NAV2: variants seen among roughly 807,000 people sequenced by gnomAD.
NAV2 encodes helicase, APC down-regulated 1.
NAV2 carries 54 observed loss-of-function variants against 223.2 expected under a neutral mutation model. That is an observed-to-expected ratio of 0.24 (90% CI 0.19 to 0.30). The LOEUF is 0.30. NAV2 is among the 10% of genes least tolerant of loss of function. NAV2 has a pLI of 1.00. For missense variants in NAV2, 2,806 were observed against 3,147.5 expected (o/e 0.89, Z 2.60); for synonymous variants, 1,279 against 1,239.3 (o/e 1.03, Z -0.67).
intron 1 of NAV2, among the ~76,000 whole-genome samples, chr11:19,554,032 A>T (rs985334531): frequency 6.6e-6 from 1 of 152,196 alleles, no homozygotes; most frequent in African/African-American, 2.4e-5. Flanking sequence ...AGCATTTCAT[A>T]CTGAAAAGTT....
At chr11:20,072,591 T>C (rs1227699717) in intron 22 of NAV2, among the ~76,000 whole-genome samples, 2 of 152,244 alleles carry the variant, frequency 1.3e-5, no homozygotes, top group East Asian at 3.8e-4. Context: ...TGCATTTGTT[T>C]ATGTCCTCTC....
At chr11:19,565,455 T>C (rs929606142) in intron 1 of NAV2, among the ~76,000 whole-genome samples, 2 of 152,170 alleles carry the variant, frequency 1.3e-5, no homozygotes, top group Non-Finnish European at 2.9e-5. Flanking sequence ...CATTCTGAAT[T>C]TGAGATTTGC....
intron 1 of NAV2, among the ~76,000 whole-genome samples, chr11:19,774,804 G>A (rs2056017153): frequency 6.6e-6 from 1 of 152,090 alleles, no homozygotes; most frequent in Admixed American, 6.6e-5. Context: ...TTAAAGCTGA[G>A]GCAGGTACCT....
At chr11:19,490,013 A>G (rs1322473559) in intron 1 of NAV2, among the ~76,000 whole-genome samples, 1 of 152,246 alleles carries the variant, frequency 6.6e-6, no homozygotes, top group African/African-American at 2.4e-5. Context: ...TTATTTTTCC[A>G]GTACATATAG....
chr11:19,961,005 C>T (rs568276566), intron 10 of NAV2, among the ~76,000 whole-genome samples: 39 of 152,264 alleles, frequency 2.6e-4, no homozygotes, highest in African/African-American at 9.1e-4. Flanking sequence ...GACAGAGACC[C>T]GAGGGCTCAC....
chr11:19,373,290 T>A (rs140792948), intron 1 of NAV2, among the ~76,000 whole-genome samples: 2,337 of 152,284 alleles, frequency 0.015, 60 homozygotes, highest in African/African-American at 0.053. Context: ...GATCCAGCTA[T>A]TCACCTGTGC....
At chr11:19,405,499 A>G (rs1849858374) in intron 1 of NAV2, among the ~76,000 whole-genome samples, 1 of 152,200 alleles carries the variant, frequency 6.6e-6, no homozygotes, top group South Asian at 2.1e-4. Flanking sequence ...CGAAGGAGTA[A>G]CATGAGGCTG....
chr11:19,486,547 G>C (rs1030761915), intron 1 of NAV2, among the ~76,000 whole-genome samples: 4 of 152,092 alleles, frequency 2.6e-5, no homozygotes, highest in African/African-American at 9.7e-5. Flanking sequence ...GTTTTATAAG[G>C]GGCTTTTATC....
At chr11:19,714,105 T>C in intron 1 of NAV2, 143 bp downstream of exon 1, 1 of 1,264,896 alleles carries the variant, frequency 7.9e-7, no homozygotes, top group Non-Finnish European at 1.1e-6. Context: ...GCCGGCAGGT[T>C]GGGGGATGCG....
At chr11:20,064,231 C>T (rs2058892759) in intron 20 of NAV2, among the ~76,000 whole-genome samples, 1 of 152,194 alleles carries the variant, frequency 6.6e-6, no homozygotes, top group Admixed American at 6.5e-5. Context: ...AAGGCTGGTA[C>T]TTTCAAACCT....
At chr11:19,672,995 C>T (rs2048612532) in intron 1 of NAV2, among the ~76,000 whole-genome samples, 1 of 152,120 alleles carries the variant, frequency 6.6e-6, no homozygotes, top group Non-Finnish European at 1.5e-5. Context: ...TAACAAGTTA[C>T]ATGGATACAA....
chr11:19,569,174 A>G (rs959065680), intron 1 of NAV2, among the ~76,000 whole-genome samples: 2 of 152,254 alleles, frequency 1.3e-5, no homozygotes, highest in Admixed American at 6.5e-5. Context: ...TAAAGAAATT[A>G]GCAAATACAC....
chr11:19,950,921 A>G (rs2047344129), intron 10 of NAV2, among the ~76,000 whole-genome samples: 1 of 152,224 alleles, frequency 6.6e-6, no homozygotes, highest in South Asian at 2.1e-4. Context: ...ATGCTAGCAG[A>G]TGGAGTGGGG....
At chr11:19,870,899 T>C (rs754072190) in intron 4 of NAV2, among the ~76,000 whole-genome samples, 4 of 152,234 alleles carry the variant, frequency 2.6e-5, no homozygotes, top group Admixed American at 6.5e-5. Flanking sequence ...AGGTATGCCA[T>C]ATAAAGGTAA....
intron 1 of NAV2, among the ~76,000 whole-genome samples, chr11:19,799,706 A>G (rs1479794177): frequency 6.6e-6 from 1 of 152,154 alleles, no homozygotes; most frequent in East Asian, 1.9e-4. Context: ...GAGCATGTGC[A>G]AACTGTTAAG....
chr11:19,706,890 C>T (rs1316767098), intron 1 of NAV2, among the ~76,000 whole-genome samples: 3 of 152,174 alleles, frequency 2.0e-5, no homozygotes, highest in Non-Finnish European at 1.5e-5. Context: ...GCCTACTACA[C>T]ACTTAGGCTA....
Position 20,055,781 on chromosome 11 carries a change from C to T in NAV2, c.4655C>T (p.Thr1552Ile), listed in dbSNP as rs1274421334. 1.9e-6 allele frequency: 3 copies of T among 1,613,860 alleles called. No individual in the cohort carries two copies. The highest frequency in any genetic ancestry group is 1.7e-6 in the Non-Finnish European group (2 of 1,179,892). Residue 1552 changes from threonine to isoleucine, a missense_variant, in exon 19 of 38, where the codon ACT (threonine) becomes ATT (isoleucine). By Grantham distance (89) the Thr-to-Ile change is moderately conservative (BLOSUM62 -1). Transcript: ENST00000349880. ...CCTTTTATTCCAGCGAGTCCCACCA[C>T]TGTCACCCAGATGAGCTTGTCCAAC... is the stretch of plus-strand genomic sequence containing the variant. ...FNFSQLASPT[T>I]VTQMSLSNPT...
chr11:20,090,853 C>G lies in NAV2; in HGVS notation c.5499-12C>G, dbSNP rs750355720. 3.7e-6 allele frequency: 6 copies of G among 1,613,018 alleles called. No individual in the cohort carries two copies. Among genetic ancestry groups the G allele is most frequent in the African/African-American group, 1.3e-5 (1 of 75,032 alleles). ...GGAGCTGCTTTCATCAGTAACATTCCTCTTTCCCTAGAATTTCAGAATGCA... is the reference window on the plus strand; with the variant it reads ...GGAGCTGCTTTCATCAGTAACATTCGTCTTTCCCTAGAATTTCAGAATGCA... On this transcript the variant is annotated splice_polypyrimidine_tract_variant and intron_variant, in intron 26 of 37. Coordinates refer to ENST00000349880, the MANE Select transcript of NAV2 (RefSeq NM_145117.5).
intron 1 of NAV2, among the ~76,000 whole-genome samples, chr11:19,720,764 G>A (rs1030336583): frequency 6.6e-6 from 1 of 152,202 alleles, no homozygotes; most frequent in Non-Finnish European, 1.5e-5. Context: ...ATCCCATGAG[G>A]TAGATGCTAC....
Sources: allele counts gnomAD v4.1 joint callset (sites outside exome capture counted in the v4.1 genomes callset), GRCh38; gene constraint gnomAD v4.1.1; transcripts MANE v1.5; gene names NCBI Gene and HGNC (gene_info 2026-07-23, HGNC 2026-07-21).